HUNK: variants seen among roughly 807,000 people sequenced by gnomAD.
HUNK encodes the protein hormonally up-regulated Neu-associated kinase.
In HUNK, 21 loss-of-function variants were observed where a neutral mutation model predicts 61.0. That is an observed-to-expected ratio of 0.34 (90% CI 0.24 to 0.50). HUNK has a LOEUF of 0.50. Ranked by LOEUF, HUNK falls within the 20% of genes least tolerant of loss-of-function variation. HUNK has a pLI of 0.98. For missense variants in HUNK, 772 were observed against 945.7 expected, an observed-to-expected ratio of 0.82 and a Z score of 2.41; for synonymous variants, 371 against 386.1, an observed-to-expected ratio of 0.96 and a Z score of 0.46.
chr21:31,925,887 C>T (rs2052655958), intron 2 of HUNK, among the ~76,000 whole-genome samples: 1 of 151,816 alleles, frequency 6.6e-6, no homozygotes, highest in South Asian at 2.1e-4. Context: ...GAATTATGAT[C>T]AATAATTACT....
In HUNK at chr21:31,924,983, G is replaced by A. The variant is rs183661034; in HGVS notation, c.554+223G>A. ...GCAGTCATGGCTCACTGCAACCTCC[G>A]CCTTGTGGGTTCAAGCGATTTTCCT... On this transcript the variant is annotated intron_variant, in intron 2 of 10. Coordinates refer to ENST00000270112, the MANE Select transcript of HUNK (RefSeq NM_014586.2). The surrounding 1 kb of genome is among the most constrained non-coding windows in gnomAD (Gnocchi z 5.1). Among the ~76,000 whole-genome samples, 209 of 152,168 alleles carry A rather than the reference G, an allele frequency of 1.4e-3. 1 individual carries two copies. Among genetic ancestry groups the A allele is most frequent in the African/African-American group, 4.7e-3 (196 of 41,512 alleles).
intron 2 of HUNK, among the ~76,000 whole-genome samples, chr21:31,927,412 G>A (rs1411917714): frequency 6.6e-6 from 1 of 152,002 alleles, no homozygotes; most frequent in Admixed American, 6.5e-5. Context: ...GGGAGGCTGA[G>A]GCAGGCAGAT....
At chr21:31,886,348 G>T (rs1404234420) in intron 1 of HUNK, among the ~76,000 whole-genome samples, 6 of 151,496 alleles carry the variant, frequency 4.0e-5, no homozygotes, top group Admixed American at 2.6e-4. Flanking sequence ...CATGAACCTG[G>T]CTGGGAGGCG....
intron 1 of HUNK, among the ~76,000 whole-genome samples, chr21:31,918,353 C>A (rs1351328215): frequency 6.6e-6 from 1 of 152,146 alleles, no homozygotes; most frequent in African/African-American, 2.4e-5. Flanking sequence ...ATGGAGGGAA[C>A]CTTGATGGCA....
At position 31,946,082 on chromosome 21, in the gene HUNK, G is replaced by A. The variant is rs759574531; in HGVS notation, c.657G>A (p.Pro219=). 9.9e-6 allele frequency: 16 copies of A among 1,613,270 alleles called. No homozygotes were observed. Among genetic ancestry groups the A allele is most frequent in the African/African-American group, 1.3e-5 (1 of 75,014 alleles). Residue 219 remains proline, a synonymous_variant, in exon 4 of 11, where the codon CCG becomes CCA. Transcript: ENST00000270112. The part of the protein sequence containing the change: ...NCAGILGYSD[P]FSTQCGSPAY... ...CAGGGATCCTGGGTTACTCGGATCCGTTCAGCACACAGTGTGGCAGCCCTG... is the reference window on the plus strand; with the variant it reads ...CAGGGATCCTGGGTTACTCGGATCCATTCAGCACACAGTGTGGCAGCCCTG...
intron 1 of HUNK, among the ~76,000 whole-genome samples, chr21:31,911,470 TGCTGAGGAACAACGAGGAGGCGGGTCAA>T (rs1381967485): frequency 6.6e-6 from 1 of 152,200 alleles, no homozygotes; most frequent in Non-Finnish European, 1.5e-5. Context: ...CTGTTTCTGC[TGCTGAGGAACAACGAGGAGGCGGGTCAA>T]GCCGAGGGAG....
intron 2 of HUNK, among the ~76,000 whole-genome samples, chr21:31,939,264 T>C (rs537405660): frequency 6.6e-6 from 1 of 152,298 alleles, no homozygotes; most frequent in Non-Finnish European, 1.5e-5. Context: ...CCAACATCTT[T>C]GGAGTCCATT....
chr21:31,918,531 A>G (rs970622518), intron 1 of HUNK, among the ~76,000 whole-genome samples: 25 of 152,224 alleles, frequency 1.6e-4, no homozygotes, highest in Non-Finnish European at 7.3e-5. Context: ...TTGGAGATCA[A>G]GGTGTCAGTA....
rs2053249959 is a variant in HUNK, at chr21:32,002,070, TACCA to T, written c.*2887_*2890del. 1.3e-5 allele frequency: 2 copies of T among 152,664 alleles called. No individual in the cohort carries two copies. The highest frequency in any genetic ancestry group is 6.5e-5 in the Admixed American group (1 of 15,282). 9.5% of individuals were successfully genotyped at this position (152,664 alleles called of 1,614,324 possible). On this transcript the variant is annotated 3_prime_UTR_variant, in exon 11 of 11. Coordinates refer to ENST00000270112, the MANE Select transcript of HUNK (RefSeq NM_014586.2). ...AGTACGTTGCAAATAATAGTACAGG[TACCA>T]TCTTTTATGTGAAGTTCTTTTTCTT...
At chr21:31,885,759 G>A (rs977603063) in intron 1 of HUNK, among the ~76,000 whole-genome samples, 1 of 152,016 alleles carries the variant, frequency 6.6e-6, no homozygotes, top group African/African-American at 2.4e-5. Context: ...TTTTGATACA[G>A]AGACTTGCTC....
chr21:31,955,560 C>T (rs1323191778), intron 4 of HUNK, among the ~76,000 whole-genome samples: 1 of 152,178 alleles, frequency 6.6e-6, no homozygotes, highest in African/African-American at 2.4e-5. Flanking sequence ...CACTCTACTC[C>T]AGCCTGGGCG....
intron 2 of HUNK, among the ~76,000 whole-genome samples, chr21:31,927,759 G>C (rs1056605581): frequency 6.6e-6 from 1 of 152,122 alleles, no homozygotes; most frequent in African/African-American, 2.4e-5. Context: ...AACGGGATTG[G>C]TGCCGTGGGA....
At position 31,999,267 on chromosome 21, in the gene HUNK, A is replaced by G. The variant is rs2053229766; in HGVS notation, c.*83A>G. 7.7e-7 allele frequency: 1 copy of G among 1,293,232 alleles called. No homozygotes were observed. The highest frequency in any genetic ancestry group is 1.5e-5 in the African/African-American group (1 of 67,744). The allele number at this position is 1,293,232 out of a possible 1,614,324, so 80.1% of individuals were successfully genotyped here. Reference sequence around the variant, plus strand: ...ACATCTGTCAGGGTGTGAGCACTCCAAGGCCTCGCGTGGAGCATCCTTAGT... The same window carrying G: ...ACATCTGTCAGGGTGTGAGCACTCCGAGGCCTCGCGTGGAGCATCCTTAGT... On this transcript the variant is annotated 3_prime_UTR_variant, in exon 11 of 11. Coordinates refer to ENST00000270112, the MANE Select transcript of HUNK (RefSeq NM_014586.2).
In HUNK at chr21:31,873,683, G is replaced by A; in HGVS notation, c.9G>A (p.Ala3=). 1 of 1,035,096 alleles carries A rather than the reference G, an allele frequency of 9.7e-7. No homozygotes were observed. The highest frequency in any genetic ancestry group is 1.2e-6 in the Non-Finnish European group (1 of 862,946). The allele number at this position is 1,035,096 out of a possible 1,614,324, so 64.1% of individuals were successfully genotyped here. A position where few individuals can be genotyped will look rare whatever the true frequency, so the allele number is the denominator to read the frequency against. MP[A]AAGDGLLGEP... is the part of the protein sequence containing the mutation. ...GGGCCGCGGCGAGCGCGATGCCGGC[G>A]GCGGCGGGGGACGGGCTCCTGGGGG... is the stretch of plus-strand genomic sequence containing the variant. Residue 3 remains alanine (A), a synonymous_variant, in exon 1 of 11, where the codon GCG becomes GCA. Transcript: ENST00000270112. The surrounding 1 kb of genome is among the most constrained non-coding windows in gnomAD (Gnocchi z 6.1).
At chr21:31,986,118 G>A (rs746309991) in intron 8 of HUNK, among the ~76,000 whole-genome samples, 1 of 152,082 alleles carries the variant, frequency 6.6e-6, no homozygotes, top group Non-Finnish European at 1.5e-5. Flanking sequence ...AGACCCCTCT[G>A]GCCAGTTGCT....
At chr21:31,984,128 A>G (rs2053116988) in intron 8 of HUNK, among the ~76,000 whole-genome samples, 2 of 152,192 alleles carry the variant, frequency 1.3e-5, no homozygotes. Flanking sequence ...CGAACATGAA[A>G]TTACGGCTAG....
At position 31,998,803 on chromosome 21, in the gene HUNK, C is replaced by T; in HGVS notation, c.1764C>T (p.Ser588=). 1 of 1,614,204 alleles carries T rather than the reference C, an allele frequency of 6.2e-7. No homozygotes were observed. Among genetic ancestry groups the T allele is most frequent in the Non-Finnish European group, 8.5e-7 (1 of 1,180,040 alleles). The part of the protein sequence containing the change: ...HHYRILNSPV[S]LARRNSSERT... ...ACAGGATTCTGAACTCCCCGGTCAG[C>T]TTGGCTCGCAGAAATTCCAGCGAGA... Residue 588 remains serine, a synonymous_variant, in exon 11 of 11, where the codon AGC becomes AGT. Coordinates refer to ENST00000270112, the MANE Select transcript of HUNK (RefSeq NM_014586.2).
chr21:31,880,173 C>T (rs1444991173), intron 1 of HUNK, among the ~76,000 whole-genome samples: 2 of 152,204 alleles, frequency 1.3e-5, no homozygotes. Context: ...CTCCCGTGCA[C>T]ATTCTTGTTA....
chr21:31,916,150 A>C (rs2052581337), intron 1 of HUNK, among the ~76,000 whole-genome samples: 1 of 137,748 alleles, frequency 7.3e-6, no homozygotes, highest in Admixed American at 8.7e-5. Flanking sequence ...TCCCGGGTTC[A>C]TGCCATTCTC....
Sources: allele counts gnomAD v4.1 joint callset (sites outside exome capture counted in the v4.1 genomes callset), GRCh38; gene constraint gnomAD v4.1.1; non-coding constraint Gnocchi (gnomAD v3.1); transcripts MANE v1.5; gene names NCBI Gene and HGNC (gene_info 2026-07-23, HGNC 2026-07-21).